The following RUFY3 variants were observed in gnomAD, a reference collection of about 807,000 sequenced individuals.
The protein encoded by RUFY3 is RUN and FYVE domain containing 3.
RUFY3 carries 34 observed loss-of-function variants against 84.0 expected under a neutral mutation model. That is an observed-to-expected ratio of 0.40 (90% confidence interval 0.31 to 0.54). RUFY3 has a LOEUF of 0.54. Ranked by LOEUF, RUFY3 falls within the 20% of genes least tolerant of loss-of-function variation. The pLI, the probability that RUFY3 is intolerant of heterozygous loss-of-function variation, is 0.39. For synonymous variants in RUFY3, 242 were observed against 252.9 expected (o/e 0.96, Z 0.41); for missense variants, 507 against 736.8 (o/e 0.69, Z 3.61).
intron 1 of RUFY3, among the ~76,000 whole-genome samples, chr4:70,706,597 C>T (rs1740364102): frequency 6.6e-6 from 1 of 152,204 alleles, no homozygotes; most frequent in South Asian, 2.1e-4. Context: ...AGATCCAAAA[C>T]TGTGATGGTG....
chr4:70,792,759 G>T (rs1448501175), intron 12 of RUFY3: 15 of 985,286 alleles, frequency 1.5e-5, no homozygotes, highest in Non-Finnish European at 1.4e-5. Context: ...ATAGGTCCCT[G>T]CACAGATTGG....
chr4:70,776,904 A>G (rs1267731489), intron 7 of RUFY3, among the ~76,000 whole-genome samples: 2 of 152,282 alleles, frequency 1.3e-5, no homozygotes, highest in Admixed American at 6.5e-5. Flanking sequence ...ACGACAATTC[A>G]GTGTTGTATA....
intron 1 of RUFY3, among the ~76,000 whole-genome samples, chr4:70,761,679 G>A (rs567718013): frequency 1.3e-5 from 2 of 152,264 alleles, no homozygotes; most frequent in South Asian, 2.1e-4. Flanking sequence ...GTGTCACTTA[G>A]CCCCTTTCCC....
chr4:70,721,944 T>G (rs1012201012), upstream of RUFY3: 9 of 1,231,912 alleles, frequency 7.3e-6, no homozygotes, highest in African/African-American at 1.2e-4. Context: ...GCTGGTCACA[T>G]GAGCCTGAAT....
At chr4:70,737,794 C>T (rs911130314) in intron 1 of RUFY3, among the ~76,000 whole-genome samples, 1 of 151,056 alleles carries the variant, frequency 6.6e-6, no homozygotes, top group African/African-American at 2.4e-5. Context: ...CTGCCTCAGC[C>T]TCCTGAGTAG....
intron 5 of RUFY3, among the ~76,000 whole-genome samples, chr4:70,769,475 T>C (rs946318183): frequency 6.6e-6 from 1 of 152,248 alleles, no homozygotes; most frequent in African/African-American, 2.4e-5. Flanking sequence ...ACCTGAGCCT[T>C]CAGTGAGTTG....
intron 1 of RUFY3, among the ~76,000 whole-genome samples, chr4:70,707,875 C>A (rs2148552011): frequency 6.6e-6 from 1 of 152,238 alleles, no homozygotes; most frequent in East Asian, 1.9e-4. Context: ...ATAAAAAGTT[C>A]CTTGTTACCC....
At chr4:70,797,711 T>C (rs1731707069) in intron 14 of RUFY3, among the ~76,000 whole-genome samples, 1 of 151,912 alleles carries the variant, frequency 6.6e-6, no homozygotes, top group Non-Finnish European at 1.5e-5. Context: ...GGCATGGTGG[T>C]AGTCTCCTAT....
chr4:70,778,189 C>T (rs1249912153), intron 7 of RUFY3, among the ~76,000 whole-genome samples, 180 bp from the exon 8 acceptor site: 1 of 152,014 alleles, frequency 6.6e-6, no homozygotes, highest in African/African-American at 2.4e-5. Flanking sequence ...AGCCGAGAAT[C>T]GCACCACTGC....
At chr4:70,754,415 A>C (rs1347517249) in intron 1 of RUFY3, among the ~76,000 whole-genome samples, 1 of 152,146 alleles carries the variant, frequency 6.6e-6, no homozygotes, top group Non-Finnish European at 1.5e-5. Context: ...TACTTAAGTA[A>C]ATTTTCTTAT....
intron 1 of RUFY3, among the ~76,000 whole-genome samples, chr4:70,705,496 G>A (rs1040316980): frequency 1.3e-5 from 2 of 151,146 alleles, no homozygotes; most frequent in African/African-American, 4.9e-5. Context: ...CGCGGTTCGG[G>A]CGCCGGATTC....
At chr4:70,729,638 C>A (rs1384207088) in intron 1 of RUFY3, among the ~76,000 whole-genome samples, 1 of 152,180 alleles carries the variant, frequency 6.6e-6, no homozygotes, top group Non-Finnish European at 1.5e-5. Context: ...TAATGTAAAG[C>A]ACCCTATAAA....
At chr4:70,793,465 C>T (rs1578241909) in intron 12 of RUFY3, 1 of 1,142,470 alleles carries the variant, frequency 8.8e-7, no homozygotes, top group East Asian at 6.8e-5. Flanking sequence ...TTGAGGTTGG[C>T]TTTGGATATG....
At chr4:70,752,038 C>T (rs1402073799) in intron 1 of RUFY3, among the ~76,000 whole-genome samples, 1 of 152,138 alleles carries the variant, frequency 6.6e-6, no homozygotes, top group East Asian at 1.9e-4. Context: ...ACTTAGGTCT[C>T]CCAAAGTGCT....
chr4:70,794,952 A>G (rs1461784842), intron 14 of RUFY3, 58 bp downstream of exon 14: 2 of 1,116,824 alleles, frequency 1.8e-6, no homozygotes, highest in African/African-American at 1.6e-5. Context: ...TTTAGAGGCT[A>G]CCTTGATAGT....
chr4:70,736,967 T>C (rs540233210), intron 1 of RUFY3, among the ~76,000 whole-genome samples: 2 of 152,398 alleles, frequency 1.3e-5, no homozygotes, highest in South Asian at 4.1e-4. Flanking sequence ...AAAATTGTTA[T>C]GTGTATAACT....
intron 1 of RUFY3, among the ~76,000 whole-genome samples, chr4:70,737,890 C>G (rs1720621210): frequency 6.6e-6 from 1 of 151,668 alleles, no homozygotes; most frequent in Non-Finnish European, 1.5e-5. Context: ...CCAGGCTGGT[C>G]TCGAACTCCT....
At chr4:70,714,629 A>G (rs1049320173) in intron 1 of RUFY3, among the ~76,000 whole-genome samples, 1 of 152,228 alleles carries the variant, frequency 6.6e-6, no homozygotes, top group Non-Finnish European at 1.5e-5. Context: ...GAAAAATGCC[A>G]TTGCAAGGCT....
intron 10 of RUFY3, among the ~76,000 whole-genome samples, chr4:70,786,353 A>G (rs1469386624): frequency 2.0e-5 from 3 of 151,992 alleles, no homozygotes; most frequent in South Asian, 2.1e-4. Context: ...AGAGTTAACA[A>G]TAATACACAT....
Sources: allele counts gnomAD v4.1 joint callset (sites outside exome capture counted in the v4.1 genomes callset), GRCh38; gene constraint gnomAD v4.1.1; transcripts MANE v1.5; gene names NCBI Gene and HGNC (gene_info 2026-07-23, HGNC 2026-07-21).